SEM1: variants seen among roughly 807,000 people sequenced by gnomAD.
SEM1 encodes the protein 26S proteasome complex subunit SEM1.
Under a neutral mutation model 12.7 loss-of-function variants are expected in SEM1, and 3 were observed. The observed-to-expected ratio is 0.24, with a 90% CI of 0.11 to 0.61. The LOEUF (loss-of-function observed/expected upper bound fraction) is 0.61. Ranked by LOEUF, SEM1 falls within the 20% of genes least tolerant of loss-of-function variation. SEM1 has a pLI of 0.88. For missense variants in SEM1, 59 were observed against 81.3 expected (o/e 0.73, Z 1.06); for synonymous variants, 30 against 27.8 (o/e 1.08, Z -0.25).
intron 2 of SEM1, chr7:96,653,572 T>C (rs927056683): frequency 2.0e-5 from 3 of 152,258 alleles, no homozygotes; most frequent in African/African-American, 7.2e-5. Flanking sequence ...GCAAATGGAC[T>C]TACTTTAGAG....
At chr7:96,600,805 C>G (rs1310786437) in intron 2 of SEM1, among the ~76,000 whole-genome samples, 1 of 152,216 alleles carries the variant, frequency 6.6e-6, no homozygotes. Context: ...GGATGTCTCC[C>G]TCAGCCCTGT....
upstream of SEM1, among the ~76,000 whole-genome samples, chr7:96,498,313 G>T (rs1317042533): frequency 2.0e-5 from 3 of 152,192 alleles, no homozygotes; most frequent in African/African-American, 7.2e-5. Context: ...ATTGAAATTC[G>T]TAGAGAATCT....
At chr7:96,546,948 C>T (rs986372902) in intron 2 of SEM1, among the ~76,000 whole-genome samples, 1 of 152,022 alleles carries the variant, frequency 6.6e-6, no homozygotes, top group Non-Finnish European at 1.5e-5. Flanking sequence ...ATCATCCTTT[C>T]GGTTGTAGCT....
chr7:96,616,949 C>T (rs1807740504), intron 2 of SEM1, among the ~76,000 whole-genome samples: 1 of 152,050 alleles, frequency 6.6e-6, no homozygotes. Context: ...GTTACTATAG[C>T]CTTGTAGTAG....
intron 2 of SEM1, among the ~76,000 whole-genome samples, chr7:96,569,087 C>T (rs1459436576): frequency 6.6e-6 from 1 of 151,800 alleles, no homozygotes; most frequent in Non-Finnish European, 1.5e-5. Context: ...TGCAAAGATC[C>T]AGTTTTTTTA....
chr7:96,542,942 AGAATATG>A (rs1805000273), intron 2 of SEM1, among the ~76,000 whole-genome samples: 1 of 151,994 alleles, frequency 6.6e-6, no homozygotes, highest in South Asian at 2.1e-4. Flanking sequence ...TAAATTTTCA[AGAATATG>A]GAAAGGATTG....
At chr7:96,623,585 TATAA>T (rs1397246325) in intron 2 of SEM1, among the ~76,000 whole-genome samples, 6 of 148,434 alleles carry the variant, frequency 4.0e-5, no homozygotes, top group African/African-American at 1.2e-4. Flanking sequence ...GTTTATTATA[TATAA>T]ATATATACTT....
At position 96,597,676 on chromosome 7, in the gene SEM1, G is replaced by GATATAT. The variant is rs55710405; in HGVS notation, c.171-90984_171-90979dup. Among the ~76,000 whole-genome samples, 674 of 147,126 alleles carry GATATAT rather than the reference G, an allele frequency of 4.6e-3. 5 individuals carry two copies. The highest frequency in any genetic ancestry group is 0.017 in the Admixed American group (252 of 14,564). Reference sequence around the variant, plus strand: ...TATAAATTTCTCATATAGTATATATGATATATATATATATATATACACACA... The same window carrying GATATAT: ...TATAAATTTCTCATATAGTATATATGATATATATATATATATATATATATACACACA... On this transcript the variant is annotated intron_variant and NMD_transcript_variant, in intron 2 of 3. Coordinates refer to the SEM1 transcript ENST00000466986.
chr7:96,501,283 G>A (rs1803529315), upstream of SEM1, among the ~76,000 whole-genome samples: 1 of 152,076 alleles, frequency 6.6e-6, no homozygotes, highest in Non-Finnish European at 1.5e-5. Context: ...TCTCTATATG[G>A]AAATAAATGG....
At chr7:96,609,038 G>A (rs1012513034) in intron 2 of SEM1, among the ~76,000 whole-genome samples, 2 of 152,262 alleles carry the variant, frequency 1.3e-5, no homozygotes, top group East Asian at 1.9e-4. Flanking sequence ...CAAAGTGACT[G>A]CACCATTTGT....
chr7:96,658,085 A>C (rs573150705), intron 2 of SEM1, among the ~76,000 whole-genome samples: 1 of 152,228 alleles, frequency 6.6e-6, no homozygotes, highest in East Asian at 1.9e-4. Context: ...GAGTCTCCCA[A>C]ATCAATTATG....
At chr7:96,578,919 T>C (rs142213130) in intron 2 of SEM1, among the ~76,000 whole-genome samples, 2 of 152,178 alleles carry the variant, frequency 1.3e-5, no homozygotes, top group Non-Finnish European at 2.9e-5. Flanking sequence ...AATTATTGGT[T>C]ACAATAGCAG....
downstream of SEM1, among the ~76,000 whole-genome samples, chr7:96,670,824 T>G (rs1162647430): frequency 6.6e-6 from 1 of 152,204 alleles, no homozygotes; most frequent in Non-Finnish European, 1.5e-5. Context: ...GTGCCTGATA[T>G]AAAAATGTCT....
At chr7:96,524,213 T>G (rs1804373872) in intron 2 of SEM1, among the ~76,000 whole-genome samples, 1 of 152,142 alleles carries the variant, frequency 6.6e-6, no homozygotes, top group Non-Finnish European at 1.5e-5. Flanking sequence ...CATCCGCCAT[T>G]TCATACCTTT....
intron 1 of SEM1, among the ~76,000 whole-genome samples, chr7:96,491,798 G>A (rs540766936): frequency 2.0e-4 from 30 of 152,296 alleles, no homozygotes; most frequent in Admixed American, 3.9e-4. Flanking sequence ...CAGGGAAAAA[G>A]TTCAAATTGA....
chr7:96,566,114 A>T (rs533285394), intron 2 of SEM1, among the ~76,000 whole-genome samples: 9 of 151,868 alleles, frequency 5.9e-5, no homozygotes, highest in African/African-American at 2.2e-4. Flanking sequence ...TATATTTTAA[A>T]ATATTATTTT....
chr7:96,537,532 A>G (rs1804823146), intron 2 of SEM1, among the ~76,000 whole-genome samples: 1 of 151,574 alleles, frequency 6.6e-6, no homozygotes, highest in Non-Finnish European at 1.5e-5. Flanking sequence ...ATGGAATTCT[A>G]GATTTTTTTT....
intron 1 of SEM1, among the ~76,000 whole-genome samples, chr7:96,490,070 T>A (rs984910143): frequency 6.6e-6 from 1 of 152,110 alleles, no homozygotes; most frequent in Non-Finnish European, 1.5e-5. Flanking sequence ...GAGGGTCAGA[T>A]CCATGTGTGT....
intron 2 of SEM1, among the ~76,000 whole-genome samples, chr7:96,538,218 G>T (rs543558274): frequency 1.3e-5 from 2 of 151,776 alleles, no homozygotes; most frequent in South Asian, 4.1e-4. Flanking sequence ...TTTTCTATTA[G>T]AGTCTTTAAC....
Sources: gnomAD v4.1 joint callset for allele counts (sites outside exome capture counted in the v4.1 genomes callset) on GRCh38, gnomAD v4.1.1 for gene constraint, MANE v1.5 for transcripts, NCBI Gene and HGNC (gene_info 2026-07-23, HGNC 2026-07-21) for gene names.